The following TENM1 variants were observed in gnomAD, a reference collection of about 807,000 sequenced individuals.
TENM1 encodes teneurin-1.
In TENM1, 35 loss-of-function variants were observed where a neutral mutation model predicts 174.8. The ratio of observed to expected loss-of-function variants is 0.20; its 90% CI spans 0.15 to 0.27. TENM1 has a LOEUF of 0.27. TENM1 is among the 10% of genes least tolerant of loss of function. The pLI is 1.00. For missense variants in TENM1, 1,633 were observed against 2,130.1 expected (o/e 0.77, Z 4.59); for synonymous variants, 781 against 798.7 (o/e 0.98, Z 0.37).
chrX:124,406,861 G>A (rs932905166), intron 25 of TENM1, among the ~76,000 whole-genome samples: 5 of 111,525 alleles, frequency 4.5e-5, no homozygotes, highest in African/African-American at 6.5e-5. Context: ...CCAGCAGAGG[G>A]TGCTGTTGTC....
At chrX:124,874,916 G>A (rs73215158) in intron 3 of TENM1, among the ~76,000 whole-genome samples, 2,902 of 110,927 alleles carry the variant, frequency 0.026, 43 homozygotes, top group Non-Finnish European at 0.043. Flanking sequence ...ATAGCACCCC[G>A]CTAATTTATT....
the TENM1 span, among the ~76,000 whole-genome samples, chrX:125,155,315 T>TA: frequency 8.9e-6 from 1 of 111,829 alleles, no homozygotes; most frequent in African/African-American, 3.3e-5. Flanking sequence ...TTGAGCTAGA[T>TA]ACGGAGTGCC....
At chrX:124,488,925 A>G (rs1487993882) in intron 20 of TENM1, among the ~76,000 whole-genome samples, 2 of 112,759 alleles carry the variant, frequency 1.8e-5, no homozygotes, top group East Asian at 5.6e-4. Flanking sequence ...GATTCTGCCA[A>G]TAATGTCACT....
chrX:124,839,876 T>C (rs1212067170), intron 3 of TENM1, among the ~76,000 whole-genome samples: 1 of 111,597 alleles, frequency 9.0e-6, no homozygotes, highest in African/African-American at 3.3e-5. Context: ...AAGGAGATCC[T>C]GCTGCTTTTA....
chrX:125,113,346 A>C, the TENM1 span, among the ~76,000 whole-genome samples: 1 of 111,326 alleles, frequency 9.0e-6, no homozygotes, highest in Non-Finnish European at 1.9e-5. Flanking sequence ...ACAGGACACA[A>C]AAAAGCACTA....
At chrX:124,895,158 C>T (rs1238638116) in intron 2 of TENM1, among the ~76,000 whole-genome samples, 1 of 111,125 alleles carries the variant, frequency 9.0e-6, no homozygotes, top group Non-Finnish European at 1.9e-5. Flanking sequence ...AGCTGGCTAT[C>T]TCTCTGCCAC....
intron 11 of TENM1, among the ~76,000 whole-genome samples, chrX:124,575,240 C>T (rs765016734): frequency 2.4e-3 from 274 of 111,984 alleles, no homozygotes; most frequent in African/African-American, 8.4e-3. Flanking sequence ...ATAAGTATCA[C>T]GTTTTCTATG....
At chrX:124,990,621 A>C in the TENM1 span, among the ~76,000 whole-genome samples, 1 of 112,390 alleles carries the variant, frequency 8.9e-6, no homozygotes, top group African/African-American at 3.2e-5. Context: ...TGGCTTTCTC[A>C]CCCTCAAGAT....
In TENM1 at chrX:124,859,406, C is replaced by T. The variant is rs752177038; in HGVS notation, c.535+34890G>A. ...AAAAACTACAAAAATTAGCCAGGCACGGTGGCAGGCGCCTGTAATCCCAGC... is the reference window on the plus strand; with the variant it reads ...AAAAACTACAAAAATTAGCCAGGCATGGTGGCAGGCGCCTGTAATCCCAGC... On this transcript the variant is annotated intron_variant, in intron 3 of 31. Transcript: ENST00000422452. 4.9e-3 allele frequency among the ~76,000 whole-genome samples: 533 copies of T among 108,529 alleles called. 8 individuals carry two copies. Among genetic ancestry groups the T allele is most frequent in the African/African-American group, 0.017 (502 of 29,719 alleles). 94.2% of individuals were successfully genotyped at this position (108,529 alleles called of 115,157 possible). A position where few individuals can be genotyped will look rare whatever the true frequency, so the allele number is the denominator to read the frequency against.
At chrX:124,894,334 A>C in exon 3 of TENM1, 2 of 1,198,624 alleles carry the variant, frequency 1.7e-6, no homozygotes, top group Non-Finnish European at 1.1e-6. Context: ...GTCACAACAA[A>C]CAGGAGAGAA....
intron 22 of TENM1, among the ~76,000 whole-genome samples, chrX:124,459,219 C>G (rs73634515): frequency 0.072 from 7,965 of 111,338 alleles, 706 homozygotes; most frequent in African/African-American, 0.25. Flanking sequence ...CTAGATGAGC[C>G]TAGTATGTAT....
At chrX:124,688,318 A>G (rs150219536) in intron 5 of TENM1, among the ~76,000 whole-genome samples, 2 of 105,939 alleles carry the variant, frequency 1.9e-5, no homozygotes. Flanking sequence ...CCTGGGATGT[A>G]GGCTCACTGC....
At chrX:124,727,164 C>T (rs1010454293) in intron 4 of TENM1, among the ~76,000 whole-genome samples, 2 of 112,236 alleles carry the variant, frequency 1.8e-5, no homozygotes, top group African/African-American at 3.2e-5. Flanking sequence ...TCTCCTGCCC[C>T]GGCATGATTC....
chrX:124,766,222 A>T (rs13328555), intron 3 of TENM1, among the ~76,000 whole-genome samples: 1 of 111,556 alleles, frequency 9.0e-6, no homozygotes, highest in Non-Finnish European at 1.9e-5. Context: ...AAAGAACCCA[A>T]GTCTTTCAAC....
intron 6 of TENM1, among the ~76,000 whole-genome samples, chrX:124,663,800 T>C (rs1480478091): frequency 9.2e-6 from 1 of 109,041 alleles, no homozygotes. Flanking sequence ...GAAACAAGAA[T>C]GAAACACTAA....
chrX:124,532,121 C>T (rs760160982), intron 15 of TENM1, among the ~76,000 whole-genome samples: 2 of 111,739 alleles, frequency 1.8e-5, no homozygotes, highest in Non-Finnish European at 3.8e-5. Flanking sequence ...CCTTGCCAAG[C>T]CTCCACCAGT....
the TENM1 span, among the ~76,000 whole-genome samples, chrX:125,063,623 C>T: frequency 8.9e-6 from 1 of 111,820 alleles, no homozygotes; most frequent in African/African-American, 3.3e-5. Flanking sequence ...TACCATCTCA[C>T]ACCAGTTAGA....
chrX:124,423,609 G>T (rs747865089), intron 23 of TENM1, among the ~76,000 whole-genome samples: 1 of 110,832 alleles, frequency 9.0e-6, no homozygotes, highest in African/African-American at 3.3e-5. Flanking sequence ...ACCTAAGTAA[G>T]GTCTGAAATG....
In TENM1 at chrX:124,458,734, T is replaced by TGA. The variant is rs757217711; in HGVS notation, c.3950-5245_3950-5244dup. 7.9e-4 allele frequency among the ~76,000 whole-genome samples: 89 copies of TGA among 112,113 alleles called. 1 individual carries two copies. Among genetic ancestry groups the TGA allele is most frequent in the African/African-American group, 2.7e-3 (85 of 30,929 alleles). On this transcript the variant is annotated intron_variant, in intron 22 of 31. Transcript: ENST00000422452. ...GGGCTAGTTAACCAAGAATTCTGATTGAGAGAAAGACAGACGACACCAGTG... is the reference window on the plus strand; with the variant it reads ...GGGCTAGTTAACCAAGAATTCTGATTGAGAGAGAAAGACAGACGACACCAGTG...
Sources: allele counts gnomAD v4.1 joint callset (sites outside exome capture counted in the v4.1 genomes callset), GRCh38; gene constraint gnomAD v4.1.1; transcripts MANE v1.5; gene names NCBI Gene and HGNC (gene_info 2026-07-23, HGNC 2026-07-21).